The following CACNA1C variants were observed in gnomAD, a reference collection of about 807,000 sequenced individuals.
The protein encoded by CACNA1C is voltage-dependent L-type calcium channel subunit alpha-1C.
Under a neutral mutation model 229.0 loss-of-function variants are expected in CACNA1C, and 30 were observed. The ratio of observed to expected loss-of-function variants is 0.13; its 90% CI spans 0.10 to 0.18. The LOEUF (loss-of-function observed/expected upper bound fraction) is 0.18. CACNA1C is among the 10% of genes least tolerant of loss of function. CACNA1C has a pLI of 1.00. For missense variants in CACNA1C, 1,658 were observed against 2,845.0 expected, an observed-to-expected ratio of 0.58 and a Z score of 9.49; for synonymous variants, 1,114 against 1,132.5, an observed-to-expected ratio of 0.98 and a Z score of 0.33.
At chr12:2,506,729 G>A (rs1445870974) in intron 8 of CACNA1C, among the ~76,000 whole-genome samples, 2 of 152,118 alleles carry the variant, frequency 1.3e-5, no homozygotes, top group Non-Finnish European at 2.9e-5. Flanking sequence ...AGCCCTCAAG[G>A]CACCGCCTCC....
chr12:2,527,682 G>T (rs1474096234), intron 9 of CACNA1C, among the ~76,000 whole-genome samples: 1 of 152,186 alleles, frequency 6.6e-6, no homozygotes, highest in African/African-American at 2.4e-5. Flanking sequence ...ACTAATATTC[G>T]CTAAGGTCAG....
chr12:2,166,060 C>CT (rs2096209826), intron 3 of CACNA1C, among the ~76,000 whole-genome samples: 1 of 152,204 alleles, frequency 6.6e-6, no homozygotes, highest in Admixed American at 6.5e-5. Context: ...AAAGACTTGT[C>CT]TTTTATCCAT....
At chr12:2,389,661 C>T (rs1413033706) in intron 3 of CACNA1C, among the ~76,000 whole-genome samples, 1 of 152,164 alleles carries the variant, frequency 6.6e-6, no homozygotes, top group Non-Finnish European at 1.5e-5. Flanking sequence ...TGCAGAGACT[C>T]CATTGCCTCC....
intron 18 of CACNA1C, among the ~76,000 whole-genome samples, 172 bp from the exon 19 acceptor site, chr12:2,593,041 C>T (rs1257330653): frequency 6.6e-6 from 1 of 152,184 alleles, no homozygotes; most frequent in East Asian, 1.9e-4. Flanking sequence ...TACGACTTCT[C>T]CAGCAGAGAT....
chr12:2,518,566 C>G (rs1370316210), intron 9 of CACNA1C, among the ~76,000 whole-genome samples: 1 of 151,350 alleles, frequency 6.6e-6, no homozygotes, highest in Admixed American at 6.6e-5. Flanking sequence ...CGAGATCGCG[C>G]CACTGCACTC....
At chr12:2,023,521 A>G (rs1315660391) in intron 1 of CACNA1C, among the ~76,000 whole-genome samples, 1 of 152,164 alleles carries the variant, frequency 6.6e-6, no homozygotes, top group African/African-American at 2.4e-5. Context: ...GCCGAGTGAG[A>G]ACTTCCTCCT....
At chr12:2,296,824 C>T (rs1333354287) in intron 3 of CACNA1C, among the ~76,000 whole-genome samples, 1 of 152,218 alleles carries the variant, frequency 6.6e-6, no homozygotes, top group African/African-American at 2.4e-5. Flanking sequence ...TGTTCCACTG[C>T]CTGAGATTTC....
chr12:2,542,847 T>C (rs1265313154), intron 9 of CACNA1C, among the ~76,000 whole-genome samples: 1 of 151,828 alleles, frequency 6.6e-6, no homozygotes, highest in Non-Finnish European at 1.5e-5. Flanking sequence ...TTTGTGGGGT[T>C]GAGGGGAGAA....
intron 30 of CACNA1C, chr12:2,641,825 C>A: frequency 4.3e-6 from 3 of 701,380 alleles, no homozygotes; most frequent in Non-Finnish European, 7.8e-6. Flanking sequence ...CCCCATCCCC[C>A]CACAAAGGCT....
rs1284205001 is a variant in CACNA1C at position 2,679,075 on chromosome 12, G to A, written c.5092-369G>A. On this transcript the variant is annotated intron_variant, in intron 41 of 46. Transcript: ENST00000399655. The surrounding 1 kb of genome is among the most constrained non-coding windows in gnomAD (Gnocchi z 5.5). ...CCTCACGGTGTGCTGGCTGCTCTTA[G>A]GGACCACCATCCTAGACGTGCCCTG... Among the ~76,000 whole-genome samples, 3 of 152,278 alleles carry A rather than the reference G, an allele frequency of 2.0e-5. No individual in the cohort carries two copies. The East Asian group carries it at 5.8e-4, about 29-fold the overall frequency.
At chr12:2,206,755 T>G (rs1180515397) in intron 3 of CACNA1C, among the ~76,000 whole-genome samples, 1 of 152,234 alleles carries the variant, frequency 6.6e-6, no homozygotes, top group Non-Finnish European at 1.5e-5. Context: ...GCATATTATA[T>G]GCATGTAATG....
At position 2,061,131 on chromosome 12, in the gene CACNA1C, T is replaced by C. The variant is rs1481456236; in HGVS notation, c.49+7520T>C. On this transcript the variant is annotated intron_variant, in intron 1 of 46. Transcript: ENST00000399655. The stretch of plus-strand genomic sequence containing the variant: ...GAGAGTTCAGAAGGAATCAAATCCC[T>C]TTTTTTTTTTTTGTCTGTAAAGTGG... Among the ~76,000 whole-genome samples, 11 of 41,852 alleles carry C rather than the reference T, an allele frequency of 2.6e-4. No homozygotes were observed. The East Asian group carries it at 0.023, about 86-fold the overall frequency. The allele number at this position is 41,852 out of a possible 152,430, so 27.5% of individuals were successfully genotyped here. A position where few individuals can be genotyped will look rare whatever the true frequency, so the allele number is the denominator to read the frequency against.
chr12:2,345,760 T>C (rs1189673445), intron 3 of CACNA1C, among the ~76,000 whole-genome samples: 1 of 152,136 alleles, frequency 6.6e-6, no homozygotes, highest in Admixed American at 6.5e-5. Flanking sequence ...AATGATGACA[T>C]GGAGGTGACT....
At chr12:2,494,913 G>T (rs1280403006) in intron 7 of CACNA1C, among the ~76,000 whole-genome samples, 4 of 152,282 alleles carry the variant, frequency 2.6e-5, no homozygotes, top group South Asian at 2.1e-4. Context: ...CCTGCCAGGG[G>T]TGCTCCTAGG....
intron 30 of CACNA1C, among the ~76,000 whole-genome samples, chr12:2,642,628 T>G (rs939087227): frequency 5.3e-5 from 8 of 152,230 alleles, no homozygotes; most frequent in Admixed American, 4.6e-4. Flanking sequence ...TTGTTTCCTT[T>G]TTGAGTCTCT....
intron 3 of CACNA1C, among the ~76,000 whole-genome samples, chr12:2,347,592 G>T (rs1469188534): frequency 6.6e-6 from 1 of 152,232 alleles, no homozygotes. Context: ...TAGGAACACC[G>T]CTCCAGGACC....
intron 30 of CACNA1C, among the ~76,000 whole-genome samples, chr12:2,636,374 A>T (rs1271878463): frequency 6.6e-6 from 1 of 152,220 alleles, no homozygotes; most frequent in Non-Finnish European, 1.5e-5. Context: ...AAAGAAAAAG[A>T]AAAAACAACA....
rs141358998 is a variant in CACNA1C at position 2,138,685 on chromosome 12, G to A, written c.477+18255G>A. On this transcript the variant is annotated intron_variant, in intron 3 of 46. Transcript: ENST00000399655. The stretch of plus-strand genomic sequence containing the variant: ...CAACATGGTCTTTCAGCCACACGCC[G>A]GGCTCCCCTTCCCCTTCTGCCATGA... Among the ~76,000 whole-genome samples the A allele has an allele frequency of 1.4e-4, 21 of 151,056 alleles. 2 individuals carry two copies. Among genetic ancestry groups the A allele is most frequent in the Admixed American group, 2.7e-4 (4 of 15,016 alleles).
chr12:2,543,236 T>C (rs2099875582), intron 9 of CACNA1C, among the ~76,000 whole-genome samples: 2 of 152,222 alleles, frequency 1.3e-5, no homozygotes, highest in African/African-American at 4.8e-5. Flanking sequence ...TAAAGCATAT[T>C]GTGCCTTATA....
Sources: allele counts gnomAD v4.1 joint callset (sites outside exome capture counted in the v4.1 genomes callset), GRCh38; gene constraint gnomAD v4.1.1; non-coding constraint Gnocchi (gnomAD v3.1); transcripts MANE v1.5; gene names NCBI Gene and HGNC (gene_info 2026-07-23, HGNC 2026-07-21).